Variants in ZFHX3 observed in about 807,000 individuals in gnomAD.
ZFHX3 encodes zinc finger homeobox 3, also known as zinc finger homeobox protein 3.
Under a neutral mutation model 279.1 loss-of-function variants are expected in ZFHX3, and 42 were observed. The observed-to-expected ratio is 0.15, with a 90% CI of 0.12 to 0.19. ZFHX3 has a LOEUF of 0.19. ZFHX3 is among the 10% of genes least tolerant of loss of function. The pLI, the probability that ZFHX3 is intolerant of heterozygous loss-of-function variation, is 1.00. For synonymous variants in ZFHX3, 2,293 were observed against 1,957.8 expected (o/e 1.17, Z -4.52); for missense variants, 4,981 against 4,754.0 (o/e 1.05, Z -1.40).
chr16:72,949,292 G>C (rs1960856472), intron 3 of ZFHX3, among the ~76,000 whole-genome samples: 1 of 152,186 alleles, frequency 6.6e-6, no homozygotes, highest in African/African-American at 2.4e-5. Flanking sequence ...TGGGCCCAAA[G>C]ACGCGAGAAA....
At chr16:73,481,630 GT>G (rs1567497178) in intron 2 of ZFHX3, among the ~76,000 whole-genome samples, 24 of 144,090 alleles carry the variant, frequency 1.7e-4, no homozygotes, top group South Asian at 1.3e-3. Flanking sequence ...TTTTGTTGTT[GT>G]TTGTTTGTTT....
intron 1 of ZFHX3, among the ~76,000 whole-genome samples, chr16:73,817,902 C>G (rs184088636): frequency 1.3e-5 from 2 of 152,314 alleles, no homozygotes; most frequent in South Asian, 2.1e-4. Flanking sequence ...CCGAACCCCC[C>G]TCAAAGTGCC....
chr16:73,169,390 C>T (rs1967466908), intron 5 of ZFHX3, among the ~76,000 whole-genome samples: 2 of 152,208 alleles, frequency 1.3e-5, no homozygotes, highest in Admixed American at 6.5e-5. Flanking sequence ...ATATGTAGGC[C>T]TGAAAGTCAT....
intron 4 of ZFHX3, among the ~76,000 whole-genome samples, chr16:72,881,427 A>G (rs1261902350): frequency 1.3e-5 from 2 of 152,290 alleles, no homozygotes; most frequent in East Asian, 3.9e-4. Flanking sequence ...ATTGGGTCAC[A>G]GTTTGAAGGG....
intron 9 of ZFHX3, chr16:72,791,019 CTG>C (rs1343415236): frequency 1.3e-5 from 2 of 152,208 alleles, no homozygotes; most frequent in Non-Finnish European, 2.9e-5. Context: ...ACTCACAACT[CTG>C]TGACATCCTT....
chr16:73,303,628 A>C (rs1373239109), intron 4 of ZFHX3, among the ~76,000 whole-genome samples: 3 of 152,214 alleles, frequency 2.0e-5, no homozygotes, highest in Non-Finnish European at 2.9e-5. Flanking sequence ...TTATCTGTAT[A>C]AGTCAAACCA....
chr16:73,521,933 A>G (rs557880456), intron 2 of ZFHX3, among the ~76,000 whole-genome samples: 72 of 152,280 alleles, frequency 4.7e-4, no homozygotes, highest in Non-Finnish European at 8.1e-4. Context: ...TTCCCATAAT[A>G]AGAAAGATTT....
At chr16:73,792,285 G>A (rs1015605802) in intron 1 of ZFHX3, among the ~76,000 whole-genome samples, 7 of 152,120 alleles carry the variant, frequency 4.6e-5, no homozygotes, top group Non-Finnish European at 1.0e-4. Context: ...ATGAATACGG[G>A]GGAATGAACT....
chr16:73,566,415 A>G (rs1037281820), intron 2 of ZFHX3, among the ~76,000 whole-genome samples: 1 of 152,226 alleles, frequency 6.6e-6, no homozygotes, highest in South Asian at 2.1e-4. Context: ...GAAGTCTGAA[A>G]TCAAGGTATC....
At chr16:72,902,752 A>T (rs1424209806) in intron 3 of ZFHX3, among the ~76,000 whole-genome samples, 2 of 152,062 alleles carry the variant, frequency 1.3e-5, no homozygotes, top group African/African-American at 4.8e-5. Context: ...TTTTTGAGAC[A>T]CCGTTTTCAG....
chr16:73,813,107 A>G (rs141967077), intron 1 of ZFHX3, among the ~76,000 whole-genome samples: 183 of 152,294 alleles, frequency 1.2e-3, no homozygotes, highest in African/African-American at 4.0e-3. Flanking sequence ...TGGTTCTGCA[A>G]ATATTCAGCT....
At chr16:73,682,970 GAA>G (rs546096462) in intron 1 of ZFHX3, among the ~76,000 whole-genome samples, 2 of 27,056 alleles carry the variant, frequency 7.4e-5, no homozygotes, top group South Asian at 1.5e-3. Flanking sequence ...AAGAAAGAAA[GAA>G]AGAAAGAAAG....
At chr16:72,853,210 C>T (rs2037663639) in intron 4 of ZFHX3, among the ~76,000 whole-genome samples, 1 of 152,164 alleles carries the variant, frequency 6.6e-6, no homozygotes, top group African/African-American at 2.4e-5. Context: ...TAAACCCCAC[C>T]CACTCTAAAA....
At chr16:73,639,275 A>G (rs2052553630) in intron 2 of ZFHX3, among the ~76,000 whole-genome samples, 1 of 152,098 alleles carries the variant, frequency 6.6e-6, no homozygotes, top group African/African-American at 2.4e-5. Flanking sequence ...CCCTGCTCAG[A>G]TATATTGCAC....
intron 5 of ZFHX3, among the ~76,000 whole-genome samples, chr16:73,221,037 T>A (rs904478837): frequency 1.3e-5 from 2 of 152,064 alleles, no homozygotes; most frequent in African/African-American, 4.8e-5. Context: ...CAAAGATTGA[T>A]CTCTAGGGGC....
At chr16:73,817,799 A>G (rs1201141252) in intron 1 of ZFHX3, among the ~76,000 whole-genome samples, 1 of 152,098 alleles carries the variant, frequency 6.6e-6, no homozygotes, top group Non-Finnish European at 1.5e-5. Flanking sequence ...TGCTTAGTTC[A>G]CCTCGCTCTT....
intron 5 of ZFHX3, among the ~76,000 whole-genome samples, chr16:73,214,578 T>C (rs7203017): frequency 0.79 from 120,684 of 152,060 alleles, 48,192 homozygotes; most frequent in African/African-American, 0.86. Context: ...CTAATCTTCA[T>C]GACCCTTGAT....
chr16:73,757,338 C>G (rs2053820644), intron 1 of ZFHX3, among the ~76,000 whole-genome samples: 1 of 152,204 alleles, frequency 6.6e-6, no homozygotes. Flanking sequence ...TACCACTACC[C>G]ATTAGGAATA....
chr16:73,555,780 T>G (rs2020272144), intron 2 of ZFHX3, among the ~76,000 whole-genome samples: 1 of 151,130 alleles, frequency 6.6e-6, no homozygotes, highest in South Asian at 2.1e-4. Context: ...TGCAGTGATC[T>G]GAAATAGCGC....
Sources: allele counts gnomAD v4.1 joint callset (sites outside exome capture counted in the v4.1 genomes callset), GRCh38; gene constraint gnomAD v4.1.1; transcripts MANE v1.5; gene names NCBI Gene and HGNC (gene_info 2026-07-23, HGNC 2026-07-21).